The following CNTN4 variants were observed in gnomAD, a reference collection of about 807,000 sequenced individuals.
The protein encoded by CNTN4 is contactin-4.
A neutral mutation model predicts 122.5 loss-of-function variants in CNTN4; 77 were observed. That is an observed-to-expected ratio of 0.63 (90% CI 0.52 to 0.76). The LOEUF (loss-of-function observed/expected upper bound fraction) is 0.76, where lower values mean the gene tolerates loss of function less well. CNTN4 is among the 30% of genes least tolerant of loss of function. The probability of loss-of-function intolerance (pLI) is 0.00; values close to 1 mark genes in which losing one functional copy is unlikely to be tolerated. For synonymous variants in CNTN4, 512 were observed against 447.0 expected (o/e 1.15, Z -1.83); for missense variants, 1,256 against 1,259.1 (o/e 1.00, Z 0.04).
chr3:2,405,228 T>C (rs746877151), intron 3 of CNTN4, among the ~76,000 whole-genome samples: 2 of 152,178 alleles, frequency 1.3e-5, no homozygotes, highest in African/African-American at 2.4e-5. Context: ...TCTTGGTCAG[T>C]ATGGTACATA....
At chr3:2,107,219 T>C (rs1305762824) in intron 2 of CNTN4, among the ~76,000 whole-genome samples, 1 of 152,210 alleles carries the variant, frequency 6.6e-6, no homozygotes, top group African/African-American at 2.4e-5. Context: ...TTTTCGGGTA[T>C]CTTTATAGCA....
intron 3 of CNTN4, among the ~76,000 whole-genome samples, chr3:2,343,611 T>C (rs1685491): frequency 0.49 from 75,082 of 151,980 alleles, 18,779 homozygotes; most frequent in Admixed American, 0.52. Flanking sequence ...AAGATTGCTC[T>C]CACTATGTGG....
intron 2 of CNTN4, among the ~76,000 whole-genome samples, chr3:2,212,356 A>G (rs1028287437): frequency 1.3e-5 from 2 of 152,188 alleles, no homozygotes; most frequent in African/African-American, 4.8e-5. Context: ...ATAAAGACAT[A>G]CGCAAGACTG....
At chr3:2,950,514 A>C (rs1039199839) in intron 13 of CNTN4, among the ~76,000 whole-genome samples, 1 of 152,198 alleles carries the variant, frequency 6.6e-6, no homozygotes, top group Non-Finnish European at 1.5e-5. Context: ...TGACATCCAG[A>C]TGAGGTTATT....
At chr3:3,024,785 C>T (rs952957031) in intron 14 of CNTN4, among the ~76,000 whole-genome samples, 2 of 152,144 alleles carry the variant, frequency 1.3e-5, no homozygotes, top group Non-Finnish European at 2.9e-5. Context: ...CATGGGTTAT[C>T]AGCAAGTAAG....
At chr3:2,634,027 G>T (rs9811464) in intron 4 of CNTN4, among the ~76,000 whole-genome samples, 33,201 of 152,004 alleles carry the variant, frequency 0.22, 4,597 homozygotes, top group African/African-American at 0.39. Context: ...CATAGTGGTT[G>T]GGAAACAATT....
At chr3:3,004,352 C>T (rs1196342422) in intron 14 of CNTN4, among the ~76,000 whole-genome samples, 1 of 152,140 alleles carries the variant, frequency 6.6e-6, no homozygotes, top group African/African-American at 2.4e-5. Flanking sequence ...TCCTAGAAAA[C>T]ACTGTTGGAG....
intron 3 of CNTN4, among the ~76,000 whole-genome samples, chr3:2,511,026 G>T (rs1310117578): frequency 6.6e-6 from 1 of 152,078 alleles, no homozygotes; most frequent in East Asian, 1.9e-4. Context: ...TTCAGCCAGT[G>T]TCCCCAAAGA....
At chr3:2,970,409 A>G (rs1169441617) in intron 13 of CNTN4, among the ~76,000 whole-genome samples, 1 of 152,038 alleles carries the variant, frequency 6.6e-6, no homozygotes, top group African/African-American at 2.4e-5. Flanking sequence ...ATAGGCTACT[A>G]TTGACTAGAA....
chr3:2,444,208 T>TAAA (rs36104812), intron 3 of CNTN4, among the ~76,000 whole-genome samples: 2 of 136,370 alleles, frequency 1.5e-5, no homozygotes, highest in South Asian at 4.6e-4. Flanking sequence ...TGTATTCTAG[T>TAAA]AAAAAAAAAA....
intron 2 of CNTN4, among the ~76,000 whole-genome samples, chr3:2,118,797 G>A (rs1008798192): frequency 1.3e-5 from 2 of 152,182 alleles, no homozygotes; most frequent in Non-Finnish European, 2.9e-5. Context: ...CCGAATGCAT[G>A]CTTATTAGTC....
In CNTN4 at chr3:3,056,201, C is replaced by T. The variant is rs267599765; in HGVS notation, c.3062C>T (p.Thr1021Ile). 3.1e-6 allele frequency: 5 copies of T among 1,613,590 alleles called. No homozygotes were observed. In the South Asian group the frequency reaches 4.4e-5, roughly 14 times the overall value. The change falls in exon 25 of 25, where the codon ACA becomes ATA. Residue 1021 changes from threonine to isoleucine, a missense_variant. Physicochemically the swap from Thr to Ile is moderately conservative, Grantham distance 89 (BLOSUM62 -1). Coordinates refer to ENST00000418658, the MANE Select transcript of CNTN4 (RefSeq NM_175607.3). ...SAISTIMISL[T>I]ARSSL ...ATCAGTACAATAATGATTTCCCTCA[C>T]AGCTAGGTCCAGTTTATGACAAAAG...
chr3:2,250,705 T>A (rs1405898809), intron 2 of CNTN4, among the ~76,000 whole-genome samples: 1 of 151,896 alleles, frequency 6.6e-6, no homozygotes, highest in East Asian at 1.9e-4. Context: ...GCATGTTCAT[T>A]TGGTTTTGGA....
intron 3 of CNTN4, among the ~76,000 whole-genome samples, chr3:2,435,732 C>T (rs1343336160): frequency 6.6e-6 from 1 of 152,178 alleles, no homozygotes; most frequent in East Asian, 1.9e-4. Context: ...ATTTAGAAAG[C>T]CCACTTAAGA....
intron 2 of CNTN4, among the ~76,000 whole-genome samples, chr3:2,192,881 A>G (rs1448646102): frequency 2.6e-5 from 4 of 152,154 alleles, no homozygotes; most frequent in African/African-American, 9.7e-5. Context: ...CATGGTGTGT[A>G]CTGGTGTGGG....
Position 2,729,785 on chromosome 3 carries a change from G to A in CNTN4, c.56-6430G>A, listed in dbSNP as rs554471635. On this transcript the variant is annotated intron_variant, in intron 4 of 24. Transcript: ENST00000418658. Reference sequence around the variant, plus strand: ...AAAAATTAGCCAGGTGTGTTGGCACGCGCCTGTAATACCAGCTACTAAGAA... The same window carrying A: ...AAAAATTAGCCAGGTGTGTTGGCACACGCCTGTAATACCAGCTACTAAGAA... Among the ~76,000 whole-genome samples, 7 of 151,802 alleles carry A rather than the reference G, an allele frequency of 4.6e-5. No homozygotes were observed. In the South Asian group the frequency reaches 1.0e-3, roughly 23 times the overall value.
At chr3:2,128,518 T>C (rs1291038382) in intron 2 of CNTN4, among the ~76,000 whole-genome samples, 1 of 152,268 alleles carries the variant, frequency 6.6e-6, no homozygotes, top group Middle Eastern at 3.4e-3. Context: ...GGAAACCTGG[T>C]CAATTTTAAT....
At chr3:2,239,440 A>G (rs1177619838) in intron 2 of CNTN4, among the ~76,000 whole-genome samples, 2 of 152,172 alleles carry the variant, frequency 1.3e-5, no homozygotes, top group African/African-American at 4.8e-5. Flanking sequence ...CCAAATTACA[A>G]CAAAGGGGAT....
chr3:2,731,924 G>A (rs1183228709), intron 4 of CNTN4, among the ~76,000 whole-genome samples: 3 of 152,186 alleles, frequency 2.0e-5, no homozygotes, highest in Non-Finnish European at 4.4e-5. Context: ...GGGGAGGGTG[G>A]TGTCTCACAA....
Sources: allele counts gnomAD v4.1 joint callset (sites outside exome capture counted in the v4.1 genomes callset), GRCh38; gene constraint gnomAD v4.1.1; transcripts MANE v1.5; gene names NCBI Gene and HGNC (gene_info 2026-07-23, HGNC 2026-07-21).